Variants in CFH observed in about 807,000 individuals in gnomAD.
The protein encoded by CFH is complement factor H, also known as H factor 1 (complement).
Under a neutral mutation model 147.3 loss-of-function variants are expected in CFH, and 53 were observed. The observed-to-expected ratio is 0.36, with a 90% CI of 0.29 to 0.45. The LOEUF (loss-of-function observed/expected upper bound fraction) is 0.45, where lower values mean the gene tolerates loss of function less well. Ranked by LOEUF, CFH falls within the 20% of genes least tolerant of loss-of-function variation. CFH has a pLI of 1.00. For missense variants in CFH, 1,380 were observed against 1,498.0 expected, an observed-to-expected ratio of 0.92 and a Z score of 1.30; for synonymous variants, 536 against 489.4, an observed-to-expected ratio of 1.10 and a Z score of -1.26.
At chr1:196,728,919 C>G (rs1259338530) in intron 15 of CFH, among the ~76,000 whole-genome samples, 1 of 151,172 alleles carries the variant, frequency 6.6e-6, no homozygotes, top group Non-Finnish European at 1.5e-5. Flanking sequence ...GTATCTATAT[C>G]TATTTCTGTT....
At position 196,673,054 on chromosome 1, in the gene CFH, C is replaced by T; in HGVS notation, c.135C>T (p.Gly45=). The change falls in exon 2 of 22, where the codon GGC becomes GGT. Residue 45 remains glycine, a synonymous_variant. Coordinates refer to ENST00000367429, the MANE Select transcript of CFH (RefSeq NM_000186.4). The part of the protein sequence containing the change: ...GSWSDQTYPE[G]TQAIYKCRPG... Reference sequence around the variant, plus strand: ...GGTCTGACCAAACATATCCAGAAGGCACCCAGGCTATCTATAAATGCCGCC... The same window carrying T: ...GGTCTGACCAAACATATCCAGAAGGTACCCAGGCTATCTATAAATGCCGCC... 6.2e-7 allele frequency: 1 copy of T among 1,613,964 alleles called. No individual in the cohort carries two copies. Among genetic ancestry groups the T allele is most frequent in the Non-Finnish European group, 8.5e-7 (1 of 1,179,888 alleles).
chr1:196,722,054 A>T (rs1429208627), intron 11 of CFH, among the ~76,000 whole-genome samples: 1 of 151,984 alleles, frequency 6.6e-6, no homozygotes, highest in Non-Finnish European at 1.5e-5. Context: ...AAAAGTTAAT[A>T]TTGTCATGTG....
chr1:196,728,432 T>G lies in CFH; in HGVS notation c.2323T>G (p.Ser775Ala). Residue 775 changes from serine (S) to alanine (A), a missense_variant, in exon 15 of 22, where the codon TCT becomes GCT. Coordinates refer to ENST00000367429, the MANE Select transcript of CFH (RefSeq NM_000186.4). ...AAACAAGAAGGAATTCGATCATAATTCTAACATAAGGTACAGATGTAGAGG... is the reference window on the plus strand; with the variant it reads ...AAACAAGAAGGAATTCGATCATAATGCTAACATAAGGTACAGATGTAGAGG... ...LKNKKEFDHNSNIRYRCRGKE... is the reference protein window; with the variant it reads ...LKNKKEFDHNANIRYRCRGKE... 1 of 1,610,922 alleles carries G rather than the reference T, an allele frequency of 6.2e-7. No individual in the cohort carries two copies. Among genetic ancestry groups the G allele is most frequent in the Non-Finnish European group, 8.5e-7 (1 of 1,178,008 alleles).
intron 7 of CFH, among the ~76,000 whole-genome samples, chr1:196,685,681 G>A (rs1667802069): frequency 6.6e-6 from 1 of 152,028 alleles, no homozygotes; most frequent in African/African-American, 2.4e-5. Context: ...TCAGGATCAT[G>A]GCCCAGGCTA....
intron 9 of CFH, among the ~76,000 whole-genome samples, chr1:196,701,867 T>C (rs912172278): frequency 6.6e-6 from 1 of 152,152 alleles, no homozygotes; most frequent in Non-Finnish European, 1.5e-5. Context: ...AAAAAGATTA[T>C]CTTACTTTTT....
At chr1:196,709,550 G>T (rs193053459) in intron 9 of CFH, among the ~76,000 whole-genome samples, 27 of 152,170 alleles carry the variant, frequency 1.8e-4, no homozygotes, top group African/African-American at 5.5e-4. Flanking sequence ...ACTGTCCCTA[G>T]GAAAGTTATA....
chr1:196,695,458 CTT>C (rs1668221935), intron 9 of CFH, among the ~76,000 whole-genome samples: 1 of 152,016 alleles, frequency 6.6e-6, no homozygotes, highest in African/African-American at 2.4e-5. Context: ...CAGCTTTGTG[CTT>C]TTTGATTAGG....
At chr1:196,653,186 T>C (rs1402062034) in intron 1 of CFH, among the ~76,000 whole-genome samples, 2 of 151,788 alleles carry the variant, frequency 1.3e-5, no homozygotes, top group African/African-American at 4.8e-5. Context: ...TACACTTTGG[T>C]AATTTAAAAA....
At chr1:196,669,527 C>A (rs1211512584) in intron 1 of CFH, among the ~76,000 whole-genome samples, 1 of 152,176 alleles carries the variant, frequency 6.6e-6, no homozygotes, top group African/African-American at 2.4e-5. Context: ...GCAGCCATGT[C>A]TAAAAGGGGC....
intron 11 of CFH, among the ~76,000 whole-genome samples, chr1:196,722,476 C>T (rs556396986): frequency 3.9e-5 from 6 of 152,092 alleles, no homozygotes; most frequent in Admixed American, 2.0e-4. Context: ...ACGAGATTTC[C>T]GTTATAGTTG....
chr1:196,685,122 A>G lies in CFH; in HGVS notation c.849A>G (p.Lys283=), dbSNP rs771886590. 1.5e-5 allele frequency: 24 copies of G among 1,612,840 alleles called. No homozygotes were observed. The highest frequency in any genetic ancestry group is 1.6e-4 in the Middle Eastern group (1 of 6,074). The change falls in exon 7 of 22, where the codon AAA becomes AAG. Residue 283 remains lysine, a synonymous_variant. Transcript: ENST00000367429. ...PNGDYSPLRI[K]HRTGDEITYQ... is the part of the protein sequence containing the mutation. ...GTGACTACTCACCTTTAAGGATTAA[A>G]CACAGAACTGGAGATGAAATCACGT...
chr1:196,713,921 A>C lies in CFH; in HGVS notation c.1519+4A>C. ...TCAGCTCAACCCACGTGCATTAGTA[A>C]GTAATTTATTATGTTTGTATTGATT... On this transcript the variant is annotated splice_donor_region_variant and intron_variant, in intron 10 of 21. Transcript: ENST00000367429. 1 of 1,610,968 alleles carries C rather than the reference A, an allele frequency of 6.2e-7. No homozygotes were observed.
At chr1:196,714,967 G>A (rs1668833277) in intron 10 of CFH, among the ~76,000 whole-genome samples, 1 of 151,446 alleles carries the variant, frequency 6.6e-6, no homozygotes, top group Non-Finnish European at 1.5e-5. Context: ...TAATATATTT[G>A]AAGTAATATT....
At chr1:196,720,024 T>C (rs749311847) in intron 11 of CFH, among the ~76,000 whole-genome samples, 1 of 151,860 alleles carries the variant, frequency 6.6e-6, no homozygotes, top group African/African-American at 2.4e-5. Context: ...TCTTAGTGCA[T>C]ATATCTTCAC....
intron 1 of CFH, among the ~76,000 whole-genome samples, chr1:196,672,535 T>G (rs1667318149): frequency 1.3e-5 from 2 of 152,228 alleles, no homozygotes; most frequent in East Asian, 1.9e-4. Flanking sequence ...CTTTGATTAC[T>G]TAATAACTGG....
intron 9 of CFH, among the ~76,000 whole-genome samples, chr1:196,706,237 T>C (rs541024998): frequency 6.6e-6 from 1 of 152,252 alleles, no homozygotes; most frequent in East Asian, 1.9e-4. Flanking sequence ...TCCATGCTCA[T>C]GGGGCCGTTT....
At chr1:196,707,182 T>A (rs1668609867) in intron 9 of CFH, among the ~76,000 whole-genome samples, 1 of 152,132 alleles carries the variant, frequency 6.6e-6, no homozygotes, top group African/African-American at 2.4e-5. Flanking sequence ...AAATTTTAGC[T>A]AAGATTTGCC....
chr1:196,714,640 T>C (rs1217886882), intron 10 of CFH, among the ~76,000 whole-genome samples: 17 of 19,974 alleles, frequency 8.5e-4, no homozygotes, highest in African/African-American at 4.0e-3. Context: ...TATATGTATA[T>C]ATATATATAT....
At chr1:196,705,535 A>G (rs1668566386) in intron 9 of CFH, among the ~76,000 whole-genome samples, 1 of 152,222 alleles carries the variant, frequency 6.6e-6, no homozygotes, top group Non-Finnish European at 1.5e-5. Context: ...TTACTAATGG[A>G]TCTGGCTACT....
Sources: gnomAD v4.1 joint callset for allele counts (sites outside exome capture counted in the v4.1 genomes callset) on GRCh38, gnomAD v4.1.1 for gene constraint, MANE v1.5 for transcripts, NCBI Gene and HGNC (gene_info 2026-07-23, HGNC 2026-07-21) for gene names.